Variants in ZNF582 observed in about 807,000 individuals in gnomAD.
ZNF582 encodes zinc finger protein 582.
Under a neutral mutation model 12.3 loss-of-function variants are expected in ZNF582, and 14 were observed. The observed-to-expected ratio is 1.14, with a 90% CI of 0.75 to 1.78. ZNF582 has a LOEUF of 1.78. Among genes scored for constraint, ZNF582 ranks in the 40% most tolerant of loss-of-function variants. The probability of loss-of-function intolerance (pLI) is 0.00; values close to 1 mark genes in which losing one functional copy is unlikely to be tolerated. For synonymous variants in ZNF582, 210 were observed against 207.2 expected, an observed-to-expected ratio of 1.01 and a Z score of -0.11; for missense variants, 567 against 616.5, an observed-to-expected ratio of 0.92 and a Z score of 0.85.
intron 4 of ZNF582, among the ~76,000 whole-genome samples, chr19:56,387,227 C>A (rs776963558): frequency 6.6e-6 from 1 of 152,148 alleles, no homozygotes; most frequent in Non-Finnish European, 1.5e-5. Flanking sequence ...TTCTATGTTA[C>A]GTATTTCTAT....
intron 1 of ZNF582, among the ~76,000 whole-genome samples, chr19:56,392,187 G>T (rs1480993818): frequency 6.6e-6 from 1 of 152,226 alleles, no homozygotes; most frequent in African/African-American, 2.4e-5. Flanking sequence ...TGCATCATTT[G>T]CATAGCCCCA....
At chr19:56,393,107 G>C in intron 1 of ZNF582, 113 bp downstream of exon 1, 1 of 934,040 alleles carries the variant, frequency 1.1e-6, no homozygotes, top group Non-Finnish European at 1.5e-6. Context: ...GTAACTCTCT[G>C]AGAACCTCAT....
chr19:56,392,484 G>A (rs1396424847), intron 1 of ZNF582, among the ~76,000 whole-genome samples: 1 of 152,196 alleles, frequency 6.6e-6, no homozygotes, highest in Non-Finnish European at 1.5e-5. Flanking sequence ...GCACAAAGCT[G>A]CATGTCCAAT....
At chr19:56,388,336 A>C (rs1219135995) in intron 4 of ZNF582, 2 of 152,248 alleles carry the variant, frequency 1.3e-5, no homozygotes, top group Non-Finnish European at 2.9e-5. Flanking sequence ...ATATGATATA[A>C]ATGAAGAAAC....
exon 5 of ZNF582, chr19:56,384,099 G>C: frequency 2.5e-6 from 4 of 1,611,932 alleles, no homozygotes; most frequent in Non-Finnish European, 3.4e-6. Context: ...ACCTGATGAT[G>C]AATCAATTGT....
Position 56,390,359 on chromosome 19 carries a change from G to T in ZNF582, c.136+16C>A. On this transcript the variant is annotated intron_variant, in intron 3 of 4. Transcript: ENST00000586929. ...CCCAAGGATAACCTCCAAACTAACA[G>T]ACGAGATCACCTTACCCAGTGAGAC... 6.2e-7 allele frequency: 1 copy of T among 1,614,068 alleles called. No individual in the cohort carries two copies. The highest frequency in any genetic ancestry group is 1.1e-5 in the South Asian group (1 of 91,082).
chr19:56,383,377 GT>G (rs899698365), exon 5 of ZNF582: 4 of 152,612 alleles, frequency 2.6e-5, no homozygotes, highest in Admixed American at 2.6e-4. Flanking sequence ...GTGCATATGA[GT>G]TTATCTTTCA....
chr19:56,383,070 G>A (rs369239215), exon 5 of ZNF582: 2 of 152,196 alleles, frequency 1.3e-5, no homozygotes, highest in Non-Finnish European at 2.9e-5. Flanking sequence ...TGCTGCACAG[G>A]AGACTGGAAA....
At chr19:56,384,129 T>C (rs908399909) in exon 5 of ZNF582, 1 of 1,612,912 alleles carries the variant, frequency 6.2e-7, no homozygotes, top group African/African-American at 1.3e-5. Context: ...CTAAAAGCCT[T>C]CCCACATTCC....
chr19:56,390,471 C>CTCCA lies in ZNF582; in HGVS notation c.39_40insTGGA (p.Val14TrpfsTer41). 1 of 1,614,098 alleles carries CTCCA rather than the reference C, an allele frequency of 6.2e-7. No individual in the cohort carries two copies. Among genetic ancestry groups the CTCCA allele is most frequent in the Non-Finnish European group, 8.5e-7 (1 of 1,180,022 alleles). On this transcript the variant is annotated frameshift_variant, in exon 3 of 5. Coordinates refer to ENST00000586929, the Ensembl canonical transcript of ZNF582. LOFTEE classifies it high-confidence loss of function. ...CACTGCCATTCTTCTTGGGAGAAGA[C>CTCCA]TATGGCCACATCCCTGAACAATTCT...
At chr19:56,383,528 C>T (rs1053009890) in exon 5 of ZNF582, 2 of 181,866 alleles carry the variant, frequency 1.1e-5, no homozygotes, top group Non-Finnish European at 2.3e-5. Context: ...CTTTTCATTA[C>T]CATTTATGGT....
intron 2 of ZNF582, among the ~76,000 whole-genome samples, chr19:56,391,269 CA>C (rs1232893291): frequency 6.6e-6 from 1 of 152,194 alleles, no homozygotes; most frequent in African/African-American, 2.4e-5. Context: ...GTCCCAGATT[CA>C]AATGCTCTGT....
At chr19:56,387,609 T>TTG (rs2041978220) in intron 4 of ZNF582, 1 of 152,186 alleles carries the variant, frequency 6.6e-6, no homozygotes, top group African/African-American at 2.4e-5. Context: ...CTTTCTTTTT[T>TTG]GCAGGGGAGA....
chr19:56,388,585 C>T (rs1026191297), intron 4 of ZNF582, among the ~76,000 whole-genome samples: 3 of 152,102 alleles, frequency 2.0e-5, no homozygotes, highest in Non-Finnish European at 2.9e-5. Context: ...TTCCCTCTGC[C>T]CACAGTGCAG....
At chr19:56,386,459 G>GA (rs2041966731) in intron 4 of ZNF582, 1 of 152,246 alleles carries the variant, frequency 6.6e-6, no homozygotes. Flanking sequence ...GGTGACCTTG[G>GA]AAAAAGAAGG....
In ZNF582 at chr19:56,390,585, G is replaced by C. The variant is rs2042007162; in HGVS notation, c.10-84C>G. 6.0e-6 allele frequency: 9 copies of C among 1,491,308 alleles called. No homozygotes were observed. In the East Asian group the frequency reaches 1.4e-4, roughly 23 times the overall value. 92.4% of individuals were successfully genotyped at this position (1,491,308 alleles called of 1,614,324 possible). A position where few individuals can be genotyped will look rare whatever the true frequency, so the allele number is the denominator to read the frequency against. On this transcript the variant is annotated intron_variant, in intron 2 of 4. Transcript: ENST00000586929. ...GGAGATGGGGCAGGTCTTTGCGGGA[G>C]GGGGGGTTGTTTTGTTGAACAAGAA...
chr19:56,389,030 C>T (rs1029775479), intron 4 of ZNF582, among the ~76,000 whole-genome samples: 4 of 152,250 alleles, frequency 2.6e-5, no homozygotes, highest in South Asian at 2.1e-4. Context: ...TCATTGGCTA[C>T]AACTGGTATT....
intron 1 of ZNF582, 118 bp from the exon 2 acceptor site, chr19:56,391,950 AG>A: frequency 1.2e-6 from 1 of 803,072 alleles, no homozygotes; most frequent in Non-Finnish European, 1.9e-6. Context: ...AAGGAGGGGG[AG>A]GCAAAGGGAT....
chr19:56,393,456 G>A, exon 1 of ZNF582: 1 of 524,214 alleles, frequency 1.9e-6, no homozygotes, highest in Non-Finnish European at 3.7e-6. Context: ...CGCCTCCTCG[G>A]GTCCAAGTGC....
Sources: allele counts gnomAD v4.1 joint callset (sites outside exome capture counted in the v4.1 genomes callset), GRCh38; gene constraint gnomAD v4.1.1; transcripts MANE v1.5; gene names NCBI Gene and HGNC (gene_info 2026-07-23, HGNC 2026-07-21).